ANKRD12: variants seen among roughly 807,000 people sequenced by gnomAD.
ANKRD12 encodes the protein ankyrin repeat domain-containing protein 12.
A neutral mutation model predicts 183.4 loss-of-function variants in ANKRD12; 85 were observed. That is an observed-to-expected ratio of 0.46 (90% CI 0.39 to 0.56). The LOEUF (loss-of-function observed/expected upper bound fraction) is 0.56. Among genes scored for constraint, ANKRD12 ranks in the 20% least tolerant of loss-of-function variants. The pLI, the probability that ANKRD12 is intolerant of heterozygous loss-of-function variation, is 0.00. For synonymous variants in ANKRD12, 914 were observed against 800.2 expected (o/e 1.14, Z -2.40); for missense variants, 2,405 against 2,357.1 (o/e 1.02, Z -0.42).
intron 5 of ANKRD12, among the ~76,000 whole-genome samples, chr18:9,209,922 A>G (rs1027594782): frequency 6.6e-6 from 1 of 152,114 alleles, no homozygotes; most frequent in Non-Finnish European, 1.5e-5. Context: ...TCAAGAGGTG[A>G]CCACTGTTAA....
chr18:9,283,830 A>T lies in ANKRD12; in HGVS notation c.*2704A>T, dbSNP rs2040172276. 6.6e-6 allele frequency: 1 copy of T among 152,632 alleles called. No individual in the cohort carries two copies. Among genetic ancestry groups the T allele is most frequent in the African/African-American group, 2.4e-5 (1 of 41,450 alleles). 9.5% of individuals were successfully genotyped at this position (152,632 alleles called of 1,614,324 possible). A position where few individuals can be genotyped will look rare whatever the true frequency, so the allele number is the denominator to read the frequency against. ...ACTTGGGCAGCTAGCAAAATTGCAG[A>T]AATATGCATCCTGGGAAAAGAAACA... On this transcript the variant is annotated 3_prime_UTR_variant, in exon 13 of 13. Coordinates refer to ENST00000262126, the MANE Select transcript of ANKRD12 (RefSeq NM_015208.5).
rs994565198 is a variant in ANKRD12 at position 9,140,127 on chromosome 18, C to T, written c.-52+3162C>T. Among the ~76,000 whole-genome samples the T allele has an allele frequency of 2.0e-5, 3 of 152,142 alleles. No individual in the cohort carries two copies. The South Asian group carries it at 6.2e-4, about 32-fold the overall frequency. On this transcript the variant is annotated intron_variant, in intron 1 of 12. Transcript: ENST00000262126. ...AACTTTAAAAATACAAAAATAATAG[C>T]CTTGTCTTCTTAACCTGCAAAAGTA... is the stretch of plus-strand genomic sequence containing the variant.
chr18:9,141,844 CTTATT>C (rs2078327056), intron 1 of ANKRD12, among the ~76,000 whole-genome samples: 1 of 152,108 alleles, frequency 6.6e-6, no homozygotes. Context: ...TGTTAACTAT[CTTATT>C]TTGACAATTA....
At chr18:9,153,072 A>G (rs1026616709) in intron 1 of ANKRD12, among the ~76,000 whole-genome samples, 6 of 152,166 alleles carry the variant, frequency 3.9e-5, no homozygotes, top group African/African-American at 1.4e-4. Context: ...GACCTCAAGC[A>G]GTCCTCCTAC....
intron 3 of ANKRD12, among the ~76,000 whole-genome samples, chr18:9,196,528 A>G (rs1014721208): frequency 6.6e-6 from 1 of 152,184 alleles, no homozygotes; most frequent in Non-Finnish European, 1.5e-5. Flanking sequence ...ACGTACATAG[A>G]TTATATTCTG....
rs71168045 is a variant in ANKRD12 at position 9,210,725 on chromosome 18, C to CA, written c.452-845dup. Among the ~76,000 whole-genome samples, 254 of 84,590 alleles carry CA rather than the reference C, an allele frequency of 3.0e-3. 10 individuals are homozygous for CA. The highest frequency in any genetic ancestry group is 1.0e-2 in the African/African-American group (221 of 22,176). 55.5% of individuals were successfully genotyped at this position (84,590 alleles called of 152,430 possible). A position where few individuals can be genotyped will look rare whatever the true frequency, so the allele number is the denominator to read the frequency against. On this transcript the variant is annotated intron_variant, in intron 5 of 12. Transcript: ENST00000262126. ...TGGGCAACAGAGTGAGACTCTGTCT[C>CA]AAAAAAAAAAAAAATCCAAAAGATG... is the stretch of plus-strand genomic sequence containing the variant.
At chr18:9,214,364 AT>A (rs1434486090) in intron 6 of ANKRD12, among the ~76,000 whole-genome samples, 1 of 151,718 alleles carries the variant, frequency 6.6e-6, no homozygotes, top group Non-Finnish European at 1.5e-5. Context: ...GCTGCATAAA[AT>A]TTACTGTAGT....
At chr18:9,279,086 GAATTTCTTCATGAGAAA>G (rs1568011302) in intron 11 of ANKRD12, among the ~76,000 whole-genome samples, 51 of 262 alleles carry the variant, frequency 0.19, no homozygotes, top group Non-Finnish European at 0.24. Context: ...TGTTGATAAA[GAATTTCTTCATGAGAAA>G]GAATTTCTTC....
chr18:9,221,706 A>C (rs1215190912), intron 7 of ANKRD12, 146 bp from the exon 8 acceptor site: 1 of 758,974 alleles, frequency 1.3e-6, no homozygotes, highest in Non-Finnish European at 2.0e-6. Flanking sequence ...TCTTGAAGAG[A>C]ATAACGATTT....
intron 3 of ANKRD12, among the ~76,000 whole-genome samples, chr18:9,203,799 T>G (rs994553590): frequency 1.3e-5 from 2 of 152,136 alleles, no homozygotes; most frequent in African/African-American, 2.4e-5. Flanking sequence ...GGGATGGGGT[T>G]TCATCATGTT....
rs35605588 is a variant in ANKRD12, at chr18:9,149,792, AAT to A, written c.-52+12828_-52+12829del. On this transcript the variant is annotated intron_variant, in intron 1 of 12. Coordinates refer to ENST00000262126, the MANE Select transcript of ANKRD12 (RefSeq NM_015208.5). ...TAATGATTTATTTATTTATTTATTA[AAT>A]TTTATTTTTTTTTTTTTTTGAGACG... 8.6e-3 allele frequency among the ~76,000 whole-genome samples: 243 copies of A among 28,164 alleles called. 11 individuals carry two copies. The highest frequency in any genetic ancestry group is 0.011 in the Non-Finnish European group (130 of 11,560). The allele number at this position is 28,164 out of a possible 152,430, so 18.5% of individuals were successfully genotyped here.
intron 3 of ANKRD12, among the ~76,000 whole-genome samples, chr18:9,203,923 C>T (rs902134605): frequency 6.6e-6 from 1 of 152,126 alleles, no homozygotes; most frequent in Non-Finnish European, 1.5e-5. Context: ...ATGTTCTTAA[C>T]TGATAAACTT....
In ANKRD12 at chr18:9,204,507, G is replaced by A. The variant is rs778977438; in HGVS notation, c.267G>A (p.Trp89Ter). The change falls in exon 4 of 13, where the codon TGG becomes TGA. Residue 89 changes from tryptophan to a stop codon, truncating the protein, a stop_gained. Coordinates refer to ENST00000262126, the MANE Select transcript of ANKRD12 (RefSeq NM_015208.5). LOFTEE classifies it high-confidence loss of function. ...DSDPGHTSEN[W>*]GERLISSYRT... ...ATCCAGGACATACAAGTGAAAATTG[G>A]GGGGAGAGACTTATATCTTCTTACA... 3.7e-6 allele frequency: 6 copies of A among 1,603,152 alleles called. No homozygotes were observed. Among genetic ancestry groups the A allele is most frequent in the Non-Finnish European group, 4.3e-6 (5 of 1,172,870 alleles).
At chr18:9,138,581 T>C (rs1465070999) in intron 1 of ANKRD12, among the ~76,000 whole-genome samples, 1 of 152,210 alleles carries the variant, frequency 6.6e-6, no homozygotes, top group Non-Finnish European at 1.5e-5. Context: ...GTTAAAAATC[T>C]TGGGCACTGA....
chr18:9,244,966 C>G (rs1444736806), intron 8 of ANKRD12, among the ~76,000 whole-genome samples: 1 of 152,118 alleles, frequency 6.6e-6, no homozygotes, highest in Admixed American at 6.5e-5. Context: ...ACCCATCTCT[C>G]TGTTTTTGTG....
chr18:9,226,750 A>G (rs1435001888), intron 8 of ANKRD12, among the ~76,000 whole-genome samples: 1 of 152,158 alleles, frequency 6.6e-6, no homozygotes, highest in African/African-American at 2.4e-5. Context: ...TCCAGATGTG[A>G]TACCTAAAAG....
chr18:9,271,978 AT>A (rs1392861403), intron 10 of ANKRD12, among the ~76,000 whole-genome samples: 1 of 152,192 alleles, frequency 6.6e-6, no homozygotes, highest in Non-Finnish European at 1.5e-5. Flanking sequence ...AAATGGTAAC[AT>A]TTGAATGCTA....
intron 6 of ANKRD12, among the ~76,000 whole-genome samples, chr18:9,213,707 AGT>A (rs1448478185): frequency 2.0e-5 from 3 of 151,918 alleles, no homozygotes; most frequent in African/African-American, 4.8e-5. Flanking sequence ...GATTATGGAC[AGT>A]GTTTATTTTC....
At chr18:9,181,039 T>C (rs1219231575) in intron 1 of ANKRD12, among the ~76,000 whole-genome samples, 1 of 152,222 alleles carries the variant, frequency 6.6e-6, no homozygotes, top group Non-Finnish European at 1.5e-5. Flanking sequence ...GACAGTGCTA[T>C]GTTTAAATTA....
Sources: gnomAD v4.1 joint callset for allele counts (sites outside exome capture counted in the v4.1 genomes callset) on GRCh38, gnomAD v4.1.1 for gene constraint, MANE v1.5 for transcripts, NCBI Gene and HGNC (gene_info 2026-07-23, HGNC 2026-07-21) for gene names.